TES: variants seen among roughly 807,000 people sequenced by gnomAD.
TES encodes the protein testin.
A neutral mutation model predicts 48.2 loss-of-function variants in TES; 41 were observed. The ratio of observed to expected loss-of-function variants is 0.85; its 90% CI spans 0.66 to 1.10. TES has a LOEUF of 1.10. Among genes scored for constraint, TES ranks in the 50% least tolerant of loss-of-function variants. The probability of loss-of-function intolerance (pLI) is 0.00; values close to 1 mark genes in which losing one functional copy is unlikely to be tolerated. For synonymous variants in TES, 162 were observed against 174.9 expected (o/e 0.93, Z 0.58); for missense variants, 463 against 515.1 (o/e 0.90, Z 0.98).
intron 6 of TES, among the ~76,000 whole-genome samples, chr7:116,256,883 A>G (rs904296934): frequency 2.6e-5 from 4 of 152,216 alleles, no homozygotes; most frequent in African/African-American, 9.6e-5. Flanking sequence ...TAATAATCTC[A>G]TGTGTCATAG....
chr7:116,255,941 G>GACA (rs10658477), intron 6 of TES, among the ~76,000 whole-genome samples: 49,461 of 151,822 alleles, frequency 0.33, 8,359 homozygotes, highest in East Asian at 0.58. Flanking sequence ...CAGAAAATAA[G>GACA]ACATTCTAAA....
At chr7:116,214,382 A>G (rs1799470867) in intron 1 of TES, among the ~76,000 whole-genome samples, 2 of 152,158 alleles carry the variant, frequency 1.3e-5, no homozygotes, top group African/African-American at 2.4e-5. Flanking sequence ...GGAAAAGGCA[A>G]TATATGGTGA....
chr7:116,240,938 C>T (rs1176214200), intron 2 of TES, among the ~76,000 whole-genome samples: 1 of 152,186 alleles, frequency 6.6e-6, no homozygotes, highest in East Asian at 1.9e-4. Context: ...ACCGTGCAAA[C>T]AGCCCCTTGC....
Position 116,257,908 on chromosome 7 carries a change from C to T in TES, c.*426C>T, listed in dbSNP as rs761584560. 9 of 156,566 alleles carry T rather than the reference C, an allele frequency of 5.7e-5. No homozygotes were observed. The highest frequency in any genetic ancestry group is 1.1e-4 in the Non-Finnish European group (8 of 70,638). 9.7% of individuals were successfully genotyped at this position (156,566 alleles called of 1,614,324 possible). On this transcript the variant is annotated 3_prime_UTR_variant, in exon 7 of 7. Transcript: ENST00000358204. ...AATTTGCCCTAATACCAAGGCGCTA[C>T]GTTTATTGCCTCGTCTTATTCACTG... is the stretch of plus-strand genomic sequence containing the variant.
chr7:116,247,886 A>T (rs1203833862), intron 2 of TES, among the ~76,000 whole-genome samples: 1 of 152,064 alleles, frequency 6.6e-6, no homozygotes, highest in African/African-American at 2.4e-5. Context: ...CATGTTACTG[A>T]GGCTTGGGTT....
intron 1 of TES, among the ~76,000 whole-genome samples, chr7:116,216,555 T>C (rs1342870195): frequency 1.3e-5 from 2 of 151,756 alleles, no homozygotes; most frequent in African/African-American, 4.9e-5. Flanking sequence ...CCATGTGTAA[T>C]GTTCCACAGT....
At chr7:116,243,599 G>C (rs1011225455) in intron 2 of TES, among the ~76,000 whole-genome samples, 2 of 152,058 alleles carry the variant, frequency 1.3e-5, no homozygotes, top group Non-Finnish European at 2.9e-5. Flanking sequence ...TGTCTCACAG[G>C]CATATCAAAT....
At chr7:116,253,174 T>C (rs771182687) in intron 6 of TES, among the ~76,000 whole-genome samples, 17 of 152,160 alleles carry the variant, frequency 1.1e-4, no homozygotes, top group Non-Finnish European at 2.2e-4. Context: ...AAAACACATA[T>C]GTGTTAATGG....
At chr7:116,226,275 G>T (rs187737982) in intron 1 of TES, among the ~76,000 whole-genome samples, 2 of 152,318 alleles carry the variant, frequency 1.3e-5, no homozygotes, top group Admixed American at 1.3e-4. Flanking sequence ...TCTAATGGGG[G>T]TAAATTGATG....
At chr7:116,229,010 AT>A (rs1799661048) in intron 1 of TES, among the ~76,000 whole-genome samples, 2 of 131,880 alleles carry the variant, frequency 1.5e-5, no homozygotes, top group Non-Finnish European at 3.2e-5. Context: ...ATATATATAT[AT>A]ATATATATAT....
Position 116,210,699 on chromosome 7 carries a change from C to T in TES, c.-9C>T. ...TAGGAGGAGGAGGGGACCCATAGGA[C>T]GCGTTAACATGGACCTGGAAAACAA... On this transcript the variant is annotated 5_prime_UTR_variant, in exon 1 of 7. It adds an upstream start codon to the 5' untranslated region. Transcript: ENST00000358204. 6 of 1,283,418 alleles carry T rather than the reference C, an allele frequency of 4.7e-6. No homozygotes were observed. Among genetic ancestry groups the T allele is most frequent in the Non-Finnish European group, 6.0e-6 (6 of 1,004,522 alleles). 79.5% of individuals were successfully genotyped at this position (1,283,418 alleles called of 1,614,324 possible).
chr7:116,254,746 AAAT>A (rs144307246), intron 6 of TES, among the ~76,000 whole-genome samples: 5,717 of 109,280 alleles, frequency 0.052, 131 homozygotes, highest in East Asian at 0.15. Context: ...GTCTCAAAAA[AAAT>A]ATATATATAT....
chr7:116,225,365 A>G (rs1297267065), intron 1 of TES, among the ~76,000 whole-genome samples: 2 of 152,096 alleles, frequency 1.3e-5, no homozygotes, highest in Non-Finnish European at 2.9e-5. Context: ...TACCTTTGTC[A>G]TTAACTTAAT....
intron 6 of TES, among the ~76,000 whole-genome samples, chr7:116,254,182 C>T (rs1436438537): frequency 6.6e-6 from 1 of 151,838 alleles, no homozygotes; most frequent in Admixed American, 6.6e-5. Flanking sequence ...TTGCTGCTGT[C>T]TGACCTTTAG....
At chr7:116,213,809 T>A (rs1203781478) in intron 1 of TES, among the ~76,000 whole-genome samples, 1 of 151,858 alleles carries the variant, frequency 6.6e-6, no homozygotes, top group East Asian at 1.9e-4. Flanking sequence ...TTCTTATTTT[T>A]TAAGTCTCAT....
In TES at chr7:116,210,737, A is replaced by AG. The variant is rs1799425683; in HGVS notation, c.27+9dup. 5 of 1,244,232 alleles carry AG rather than the reference A, an allele frequency of 4.0e-6. No individual in the cohort carries two copies. The highest frequency in any genetic ancestry group is 6.5e-5 in the East Asian group (2 of 30,946). The allele number at this position is 1,244,232 out of a possible 1,614,324, so 77.1% of individuals were successfully genotyped here. ...ACCTGGAAAACAAAGTGAAGAAGGT[A>AG]GGGGGGCGCTCGTGGCGGGCGGCGG... is the stretch of plus-strand genomic sequence containing the variant. On this transcript the variant is annotated splice_donor_region_variant and intron_variant, in intron 1 of 6. Coordinates refer to ENST00000358204, the MANE Select transcript of TES (RefSeq NM_015641.4).
intron 4 of TES, 62 bp from the exon 5 acceptor site, chr7:116,251,696 GAA>G: frequency 2.1e-6 from 2 of 961,578 alleles, no homozygotes; most frequent in East Asian, 6.5e-5. Flanking sequence ...AAAAAAAAAA[GAA>G]AGAAAGAAAA....
intron 1 of TES, among the ~76,000 whole-genome samples, chr7:116,228,493 C>A (rs1563007552): frequency 6.6e-6 from 1 of 152,150 alleles, no homozygotes; most frequent in African/African-American, 2.4e-5. Flanking sequence ...TTATGAAAAA[C>A]ATGTGTTTTT....
intron 6 of TES, among the ~76,000 whole-genome samples, chr7:116,253,087 G>A (rs1800042874): frequency 6.6e-6 from 1 of 152,162 alleles, no homozygotes; most frequent in African/African-American, 2.4e-5. Flanking sequence ...GTAGATAAAG[G>A]GTAAAAAGTT....
Sources: allele counts gnomAD v4.1 joint callset (sites outside exome capture counted in the v4.1 genomes callset), GRCh38; gene constraint gnomAD v4.1.1; transcripts MANE v1.5; gene names NCBI Gene and HGNC (gene_info 2026-07-23, HGNC 2026-07-21).